The following MAOB variants were observed in gnomAD, a reference collection of about 807,000 sequenced individuals.
The protein encoded by MAOB is amine oxidase [flavin-containing] B.
In MAOB, 15 loss-of-function variants were observed where a neutral mutation model predicts 41.9. The observed-to-expected ratio is 0.36, with a 90% CI of 0.24 to 0.55. The LOEUF is 0.55. Ranked by LOEUF, MAOB falls within the 20% of genes least tolerant of loss-of-function variation. The pLI is 0.86. For synonymous variants in MAOB, 167 were observed against 144.2 expected (o/e 1.16, Z -1.13); for missense variants, 345 against 398.7 (o/e 0.87, Z 1.15).
chrX:43,861,723 C>T (rs1460880507), intron 1 of MAOB, among the ~76,000 whole-genome samples: 2 of 111,404 alleles, frequency 1.8e-5, no homozygotes, highest in East Asian at 5.6e-4. Context: ...TTATTAATTC[C>T]TCTGGGGTAT....
chrX:43,797,819 C>A (rs988963862), intron 5 of MAOB, among the ~76,000 whole-genome samples: 45 of 111,763 alleles, frequency 4.0e-4, no homozygotes, highest in African/African-American at 1.5e-3. Flanking sequence ...AGAGGCTTTT[C>A]CCTCCCTCCC....
intron 12 of MAOB, among the ~76,000 whole-genome samples, chrX:43,773,978 C>T (rs985513379): frequency 7.1e-5 from 8 of 112,048 alleles, no homozygotes; most frequent in Non-Finnish European, 1.3e-4. Context: ...TCAGGTGCTG[C>T]CCCTTGGCCC....
chrX:43,778,803 A>T lies in MAOB; in HGVS notation c.1080-64T>A. On this transcript the variant is annotated intron_variant, in intron 10 of 14. Transcript: ENST00000378069. ...GAAGGGAGGGAAAAAAAAAGTGGGAAAGAGGCATTTATCCCCTCATAAAAA... is the reference window on the plus strand; with the variant it reads ...GAAGGGAGGGAAAAAAAAAGTGGGATAGAGGCATTTATCCCCTCATAAAAA... 3 of 877,092 alleles carry T rather than the reference A, an allele frequency of 3.4e-6. No homozygotes were observed. In the East Asian group the frequency reaches 9.5e-5, roughly 28 times the overall value. 72.3% of individuals were successfully genotyped at this position (877,092 alleles called of 1,213,427 possible).
At chrX:43,832,924 C>A (rs936360862) in intron 3 of MAOB, among the ~76,000 whole-genome samples, 2 of 111,609 alleles carry the variant, frequency 1.8e-5, no homozygotes, top group Non-Finnish European at 3.8e-5. Flanking sequence ...CTGTACTCAA[C>A]TGTGGAAAAT....
intron 2 of MAOB, among the ~76,000 whole-genome samples, chrX:43,840,347 C>T (rs951033716): frequency 5.4e-5 from 6 of 111,575 alleles, no homozygotes; most frequent in African/African-American, 9.8e-5. Context: ...CAGTCATTGT[C>T]CCCCTGAGAG....
chrX:43,843,778 C>T lies in MAOB; in HGVS notation c.47-14G>A. Reference sequence around the variant, plus strand: ...CTGCTGCCATACCTGGGAGAAAAGACAGTAAGACATCAGGATCAAATACAA... The same window carrying T: ...CTGCTGCCATACCTGGGAGAAAAGATAGTAAGACATCAGGATCAAATACAA... On this transcript the variant is annotated splice_polypyrimidine_tract_variant and intron_variant, in intron 1 of 14. Transcript: ENST00000378069. 8.3e-7 allele frequency: 1 copy of T among 1,207,961 alleles called. No homozygotes were observed. The highest frequency in any genetic ancestry group is 1.1e-6 in the Non-Finnish European group (1 of 894,079).
chrX:43,823,813 T>C, intron 3 of MAOB, among the ~76,000 whole-genome samples: 1 of 112,340 alleles, frequency 8.9e-6, no homozygotes, highest in Middle Eastern at 4.6e-3. Flanking sequence ...ATTTTCTCTT[T>C]CTTTGATCTG....
rs757984992 is a variant in MAOB at position 43,793,487 on chromosome X, G to A, written c.860C>T (p.Thr287Ile). The part of the protein sequence containing the change: ...PLPMMRNQMI[T>I]RVPLGSVIKC... The stretch of plus-strand genomic sequence containing the variant: ...GATGACTGAACCCAAAGGCACACGA[G>A]TGATCATCTGGTTTCTCATCATTGG... Residue 287 changes from threonine (T) to isoleucine (I), a missense_variant, in exon 8 of 15, where the codon ACT becomes ATT. Coordinates refer to ENST00000378069, the MANE Select transcript of MAOB (RefSeq NM_000898.5). 2 of 1,201,684 alleles carry A rather than the reference G, an allele frequency of 1.7e-6. No homozygotes were observed. Among genetic ancestry groups the A allele is most frequent in the East Asian group, 3.0e-5 (1 of 33,739 alleles).
chrX:43,837,943 G>A (rs1341358506), intron 3 of MAOB: 1 of 331,377 alleles, frequency 3.0e-6, no homozygotes, highest in East Asian at 9.7e-5. Flanking sequence ...CAGAGGAGCA[G>A]GGAGATGTGA....
intron 3 of MAOB, among the ~76,000 whole-genome samples, chrX:43,821,494 G>A (rs184109958): frequency 1.8e-3 from 199 of 111,295 alleles, no homozygotes; most frequent in African/African-American, 5.7e-3. Flanking sequence ...AATATTATCC[G>A]AATGCTTTTG....
At position 43,880,740 on chromosome X, in the gene MAOB, C is replaced by T. The variant is rs12391346; in HGVS notation, c.46+1514G>A. Reference sequence around the variant, plus strand: ...TCTAACATGAGTAATGTGATTGAACCTGAAGGTGTGGAGTATGAATCAGAA... The same window carrying T: ...TCTAACATGAGTAATGTGATTGAACTTGAAGGTGTGGAGTATGAATCAGAA... On this transcript the variant is annotated intron_variant, in intron 1 of 14. Coordinates refer to ENST00000378069, the MANE Select transcript of MAOB (RefSeq NM_000898.5). 7.6e-3 allele frequency among the ~76,000 whole-genome samples: 853 copies of T among 111,847 alleles called. 6 individuals are homozygous for T. Among genetic ancestry groups the T allele is most frequent in the African/African-American group, 0.026 (799 of 30,744 alleles).
intron 8 of MAOB, among the ~76,000 whole-genome samples, chrX:43,786,194 A>G (rs1008140061): frequency 8.9e-6 from 1 of 112,255 alleles, no homozygotes; most frequent in African/African-American, 3.2e-5. Flanking sequence ...TTATAACAAT[A>G]TATTACTGCA....
chrX:43,835,972 C>A (rs193129227), intron 3 of MAOB, among the ~76,000 whole-genome samples: 1 of 111,951 alleles, frequency 8.9e-6, no homozygotes, highest in Admixed American at 9.5e-5. Flanking sequence ...ATAGCAGGAT[C>A]TGACAATATG....
At chrX:43,801,592 T>C (rs1008373893) in intron 5 of MAOB, among the ~76,000 whole-genome samples, 6 of 112,347 alleles carry the variant, frequency 5.3e-5, no homozygotes, top group African/African-American at 1.9e-4. Context: ...TATACAAGCC[T>C]TCACAATTTC....
At chrX:43,808,490 CAATT>C (rs1742109719) in intron 3 of MAOB, among the ~76,000 whole-genome samples, 1 of 110,468 alleles carries the variant, frequency 9.1e-6, no homozygotes. Flanking sequence ...AACATAAAGA[CAATT>C]GATTCAGAAA....
intron 1 of MAOB, among the ~76,000 whole-genome samples, chrX:43,861,881 G>T (rs1030435961): frequency 1.5e-4 from 17 of 110,606 alleles, no homozygotes; most frequent in African/African-American, 5.6e-4. Context: ...GTGTGTGTGT[G>T]TGTGTCTATT....
chrX:43,882,205 A>G (rs1385050378), intron 1 of MAOB, 49 bp downstream of exon 1: 1 of 1,196,596 alleles, frequency 8.4e-7, no homozygotes, highest in African/African-American at 1.8e-5. Context: ...CCAGGCAGCC[A>G]CCTGTCCGAG....
intron 13 of MAOB, 149 bp from the exon 14 acceptor site, chrX:43,768,865 C>T (rs532070559): frequency 4.0e-4 from 190 of 479,562 alleles, no homozygotes; most frequent in African/African-American, 3.6e-3. Context: ...CTTTAAGAGG[C>T]GCCAAAAGGT....
intron 1 of MAOB, chrX:43,844,516 G>T (rs1442698294): frequency 1.8e-5 from 2 of 111,902 alleles, no homozygotes; most frequent in East Asian, 5.6e-4. Context: ...CTAGATGGCA[G>T]GTGAAGCATT....
Sources: gnomAD v4.1 joint callset for allele counts (sites outside exome capture counted in the v4.1 genomes callset) on GRCh38, gnomAD v4.1.1 for gene constraint, MANE v1.5 for transcripts, NCBI Gene and HGNC (gene_info 2026-07-23, HGNC 2026-07-21) for gene names.